INSC: variants seen among roughly 807,000 people sequenced by gnomAD.
INSC encodes the protein INSC spindle orientation adaptor protein.
Under a neutral mutation model 58.6 loss-of-function variants are expected in INSC, and 67 were observed. The ratio of observed to expected loss-of-function variants is 1.14; its 90% CI spans 0.94 to 1.40. The LOEUF (loss-of-function observed/expected upper bound fraction) is 1.40, where lower values mean the gene tolerates loss of function less well. Among genes scored for constraint, INSC ranks in the 40% most tolerant of loss-of-function variants. The pLI is 0.00. For synonymous variants in INSC, 262 were observed against 276.1 expected (o/e 0.95, Z 0.51); for missense variants, 714 against 692.0 (o/e 1.03, Z -0.36).
At chr11:15,239,121 G>A in intron 11 of INSC, 47 bp downstream of exon 11, 1 of 1,577,130 alleles carries the variant, frequency 6.3e-7, no homozygotes, top group Non-Finnish European at 8.6e-7. Context: ...GGGGGTATTG[G>A]GGGTGGGAGC....
At chr11:15,173,983 G>A (rs1849489858) in intron 2 of INSC, among the ~76,000 whole-genome samples, 1 of 152,016 alleles carries the variant, frequency 6.6e-6, no homozygotes, top group Non-Finnish European at 1.5e-5. Flanking sequence ...GGCCTCATTG[G>A]TGCCCTTTAT....
In INSC at chr11:15,246,205, A is replaced by C; in HGVS notation, c.*165A>C. On this transcript the variant is annotated 3_prime_UTR_variant, in exon 13 of 13. Transcript: ENST00000379556. ...CAAAATCTTAGAGCAACATCATCAA[A>C]CAGTCTTTGGTCCTTGAGAATCTTC... is the stretch of plus-strand genomic sequence containing the variant. The C allele has an allele frequency of 1.6e-6, 1 of 634,482 alleles. No individual in the cohort carries two copies. Among genetic ancestry groups the C allele is most frequent in the Middle Eastern group, 3.2e-4 (1 of 3,096 alleles). The allele number at this position is 634,482 out of a possible 1,614,324, so 39.3% of individuals were successfully genotyped here.
intron 7 of INSC, among the ~76,000 whole-genome samples, chr11:15,201,738 T>C (rs1850600865): frequency 6.6e-6 from 1 of 152,122 alleles, no homozygotes; most frequent in African/African-American, 2.4e-5. Context: ...TGAAAATTCT[T>C]ATAGAAAAGT....
Position 15,225,849 on chromosome 11 carries a change from T to G in INSC, c.1170+21T>G, listed in dbSNP as rs1156572319. ...ACCAGGTAAGACGCCCAGAAGGCAC[T>G]GAGCACAGGGCCCATAGCCATGGAG... On this transcript the variant is annotated intron_variant, in intron 9 of 12. Transcript: ENST00000379556. 6 of 1,605,344 alleles carry G rather than the reference T, an allele frequency of 3.7e-6. No individual in the cohort carries two copies. The East Asian group carries it at 9.0e-5, about 24-fold the overall frequency.
intron 2 of INSC, among the ~76,000 whole-genome samples, chr11:15,152,392 A>G (rs1848682221): frequency 1.3e-5 from 2 of 152,208 alleles, no homozygotes. Flanking sequence ...CAGGGAAGCC[A>G]TTAGGCTGGG....
chr11:15,204,450 G>C (rs12276772), intron 7 of INSC, among the ~76,000 whole-genome samples: 8,822 of 152,258 alleles, frequency 0.058, 504 homozygotes, highest in African/African-American at 0.14. Context: ...AAGTTCTAGA[G>C]ACACCCATGA....
intron 8 of INSC, 132 bp from the exon 9 acceptor site, chr11:15,225,518 T>C (rs1851598818): frequency 2.2e-6 from 2 of 913,224 alleles, no homozygotes; most frequent in African/African-American, 3.4e-5. Context: ...TAGTAGCCAC[T>C]TTCCTCATCT....
intron 1 of INSC, among the ~76,000 whole-genome samples, chr11:15,140,308 T>C (rs530041250): frequency 1.9e-4 from 29 of 152,322 alleles, no homozygotes; most frequent in African/African-American, 7.0e-4. Context: ...CTGCCCACTC[T>C]TTATTTCCTC....
intron 1 of INSC, among the ~76,000 whole-genome samples, chr11:15,127,486 C>T (rs567167654): frequency 7.1e-4 from 108 of 152,284 alleles, no homozygotes; most frequent in African/African-American, 2.5e-3. Flanking sequence ...CCAGGGTTCG[C>T]GTCAATGCTG....
intron 2 of INSC, among the ~76,000 whole-genome samples, chr11:15,169,428 C>T (rs1849314568): frequency 6.6e-6 from 1 of 152,216 alleles, no homozygotes; most frequent in Non-Finnish European, 1.5e-5. Flanking sequence ...CAGGTTTCAC[C>T]TATCATCCTG....
intron 7 of INSC, among the ~76,000 whole-genome samples, chr11:15,209,074 G>C (rs896210684): frequency 6.6e-6 from 1 of 152,202 alleles, no homozygotes. Context: ...AGTCTGTCCT[G>C]TGTGTTCTTG....
At chr11:15,250,044 G>A (rs1852633851), downstream of INSC, among the ~76,000 whole-genome samples, 1 of 152,204 alleles carries the variant, frequency 6.6e-6, no homozygotes, top group South Asian at 2.1e-4. Flanking sequence ...CCCTAGGACA[G>A]GATTAAGGCT....
At chr11:15,203,426 C>T (rs769558862) in intron 7 of INSC, among the ~76,000 whole-genome samples, 45 of 151,990 alleles carry the variant, frequency 3.0e-4, no homozygotes, top group Non-Finnish European at 5.6e-4. Flanking sequence ...ATAAGACTTA[C>T]CCTGGTAAGA....
intron 7 of INSC, 21 bp from the exon 8 acceptor site, chr11:15,221,456 G>C: frequency 1.3e-6 from 2 of 1,591,528 alleles, no homozygotes; most frequent in East Asian, 2.2e-5. Flanking sequence ...GCACAGGGGA[G>C]CTCCCTCTCT....
chr11:15,213,983 C>T (rs538924374), intron 7 of INSC, among the ~76,000 whole-genome samples: 17 of 152,282 alleles, frequency 1.1e-4, no homozygotes, highest in African/African-American at 4.1e-4. Flanking sequence ...CTTTAATTAA[C>T]CTCTTAGACT....
At chr11:15,245,269 G>GA (rs1852516070) in intron 12 of INSC, among the ~76,000 whole-genome samples, 1 of 152,142 alleles carries the variant, frequency 6.6e-6, no homozygotes. Context: ...GCAGGAGCAG[G>GA]AAGTCACTTC....
At chr11:15,149,067 A>G in intron 1 of INSC, 63 bp from the exon 2 acceptor site, 2 of 1,483,446 alleles carry the variant, frequency 1.3e-6, no homozygotes, top group Non-Finnish European at 1.8e-6. Flanking sequence ...TGGGACTGGG[A>G]GAGAAAGTGA....
chr11:15,156,875 C>A (rs1271006912), intron 2 of INSC, among the ~76,000 whole-genome samples: 1 of 152,228 alleles, frequency 6.6e-6, no homozygotes, highest in Non-Finnish European at 1.5e-5. Context: ...ACTGCAATTT[C>A]TTGGTATGAG....
In INSC at chr11:15,130,000, T is replaced by C. The variant is rs139606880; in HGVS notation, c.-46+14997T>C. Among the ~76,000 whole-genome samples the C allele has an allele frequency of 1.8e-4, 28 of 152,340 alleles. No homozygotes were observed. The East Asian group carries it at 5.4e-3, about 29-fold the overall frequency. On this transcript the variant is annotated intron_variant, in intron 1 of 12. Transcript: ENST00000379556. ...TTGCTCTTCTGGCTGTGTGCTGTTA[T>C]GCACAGGCAGATGTGGCTGCCTGTG...
Sources: gnomAD v4.1 joint callset for allele counts (sites outside exome capture counted in the v4.1 genomes callset) on GRCh38, gnomAD v4.1.1 for gene constraint, MANE v1.5 for transcripts, NCBI Gene and HGNC (gene_info 2026-07-23, HGNC 2026-07-21) for gene names.